ABCC9: variants seen among roughly 807,000 people sequenced by gnomAD.
ABCC9 encodes the protein ATP binding cassette subfamily C member 9, also known as ATP-binding cassette sub-family C member 9.
ABCC9 carries 95 observed loss-of-function variants against 188.3 expected under a neutral mutation model. The ratio of observed to expected loss-of-function variants is 0.50; its 90% CI spans 0.43 to 0.60. ABCC9 has a LOEUF of 0.60. Ranked by LOEUF, ABCC9 falls within the 20% of genes least tolerant of loss-of-function variation. ABCC9 has a pLI of 0.00. For missense variants in ABCC9, 1,102 were observed against 1,876.3 expected, an observed-to-expected ratio of 0.59 and a Z score of 7.62; for synonymous variants, 659 against 652.7, an observed-to-expected ratio of 1.01 and a Z score of -0.15.
At chr12:21,893,714 A>C (rs1947278929) in intron 14 of ABCC9, among the ~76,000 whole-genome samples, 3 of 152,214 alleles carry the variant, frequency 2.0e-5, no homozygotes, top group Non-Finnish European at 2.9e-5. Flanking sequence ...GTAATTGTTA[A>C]ATAAATTAGA....
intron 22 of ABCC9, among the ~76,000 whole-genome samples, chr12:21,857,783 C>A (rs775797521): frequency 2.8e-4 from 42 of 152,128 alleles, no homozygotes; most frequent in Non-Finnish European, 5.6e-4. Context: ...CTGGAAAAAG[C>A]AAGAATATTG....
chr12:21,860,349 C>G (rs1188107235), intron 21 of ABCC9, among the ~76,000 whole-genome samples: 2 of 152,208 alleles, frequency 1.3e-5, no homozygotes, highest in African/African-American at 2.4e-5. Flanking sequence ...ACCTTGGCAA[C>G]TGTGCAAGTT....
At chr12:21,852,056 C>A in intron 24 of ABCC9, 41 bp downstream of exon 24, 1 of 1,611,832 alleles carries the variant, frequency 6.2e-7, no homozygotes, top group Non-Finnish European at 8.5e-7. Flanking sequence ...TCTAACTCTT[C>A]TGAATTGGGC....
chr12:21,842,743 ATG>A (rs1944459783), intron 28 of ABCC9, among the ~76,000 whole-genome samples: 1 of 152,090 alleles, frequency 6.6e-6, no homozygotes, highest in Non-Finnish European at 1.5e-5. Context: ...TTATTCATTC[ATG>A]TGTTTGTTTA....
chr12:21,885,529 A>G (rs890559906), intron 15 of ABCC9, among the ~76,000 whole-genome samples: 24 of 152,174 alleles, frequency 1.6e-4, no homozygotes, highest in African/African-American at 5.3e-4. Flanking sequence ...TTATCCCCCT[A>G]TCTCTGAAAG....
At chr12:21,825,498 A>G (rs780119975) in intron 31 of ABCC9, among the ~76,000 whole-genome samples, 9 of 152,208 alleles carry the variant, frequency 5.9e-5, no homozygotes, top group Non-Finnish European at 1.0e-4. Flanking sequence ...TTGTAGGGAC[A>G]TGGATGAAGC....
intron 5 of ABCC9, chr12:21,925,382 G>A (rs965103730): frequency 2.2e-5 from 13 of 588,832 alleles, no homozygotes; most frequent in Middle Eastern, 2.7e-4. Flanking sequence ...ATGCAGGTGC[G>A]AAAGGCCGTG....
At chr12:21,936,952 CT>C (rs1792627349) in intron 2 of ABCC9, among the ~76,000 whole-genome samples, 1 of 151,892 alleles carries the variant, frequency 6.6e-6, no homozygotes, top group Non-Finnish European at 1.5e-5. Context: ...TAATATCTAC[CT>C]ATAGTAGTAC....
chr12:21,817,363 T>G (rs1565694880), intron 32 of ABCC9, 56 bp from the exon 33 acceptor site: 6 of 1,579,494 alleles, frequency 3.8e-6, no homozygotes, highest in Non-Finnish European at 4.3e-6. Flanking sequence ...GAAGTTGTGG[T>G]TAATCACCGG....
rs762798124 is a variant in ABCC9, at chr12:21,801,018, T to C, written c.*26A>G. The C allele has an allele frequency of 2.4e-5, 39 of 1,613,110 alleles. No homozygotes were observed. In the Admixed American group the frequency reaches 6.5e-4, roughly 27 times the overall value. ...TAGGTTATGACTGCATTATTTTAAA[T>C]ACATGTATTGTTTTAAGACACTCCT... On this transcript the variant is annotated 3_prime_UTR_variant, in exon 40 of 40. Coordinates refer to ENST00000261200, the MANE Select transcript of ABCC9 (RefSeq NM_020297.4).
Position 21,844,528 on chromosome 12 carries a change from TC to T in ABCC9, c.3269del (p.Gly1090AspfsTer2), listed in dbSNP as rs1403772538. ...PIRFFDTTPLGLILNRFSADT... is the reference protein window; with the variant it reads ...PIRFFDTTPLXLILNRFSADT... ...CAGCTGAAAAGCGATTGAGAATCAG[TC>T]CCAGGGGTGTGGTATCAAAAAACCT... is the stretch of plus-strand genomic sequence containing the variant. On this transcript the variant is annotated frameshift_variant, in exon 28 of 40. Transcript: ENST00000261200. LOFTEE classifies it high-confidence loss of function. The T allele has an allele frequency of 5.6e-6, 9 of 1,613,640 alleles. No individual in the cohort carries two copies. The highest frequency in any genetic ancestry group is 6.8e-6 in the Non-Finnish European group (8 of 1,179,748).
intron 25 of ABCC9, among the ~76,000 whole-genome samples, chr12:21,846,720 G>A (rs919469979): frequency 3.3e-5 from 5 of 152,140 alleles, no homozygotes; most frequent in Admixed American, 3.3e-4. Context: ...TCCTTTGTGT[G>A]AGAAGAACAG....
chr12:21,907,995 G>T, intron 11 of ABCC9, 82 bp downstream of exon 11: 1 of 1,387,728 alleles, frequency 7.2e-7, no homozygotes, highest in Non-Finnish European at 1.0e-6. Context: ...TATCTTTAGT[G>T]GTATGTATTA....
chr12:21,800,983 A>T lies in ABCC9; in HGVS notation c.*61T>A, dbSNP rs1941399206. 1 of 1,597,090 alleles carries T rather than the reference A, an allele frequency of 6.3e-7. No homozygotes were observed. The highest frequency in any genetic ancestry group is 1.1e-5 in the South Asian group (1 of 90,510). On this transcript the variant is annotated 3_prime_UTR_variant, in exon 40 of 40. Coordinates refer to ENST00000261200, the MANE Select transcript of ABCC9 (RefSeq NM_020297.4). The stretch of plus-strand genomic sequence containing the variant: ...CCACTTTACAGAGGTCAAGCTGATG[A>T]TCCATTAATTAGGTTATGACTGCAT...
At chr12:21,824,041 ACTAT>A (rs1328084002) in intron 31 of ABCC9, among the ~76,000 whole-genome samples, 1 of 152,244 alleles carries the variant, frequency 6.6e-6, no homozygotes, top group African/African-American at 2.4e-5. Context: ...CATAGGGAAA[ACTAT>A]CTGTGTAGAC....
chr12:21,855,556 G>A (rs75649931), intron 22 of ABCC9, among the ~76,000 whole-genome samples: 4,909 of 152,110 alleles, frequency 0.032, 116 homozygotes, highest in Middle Eastern at 0.12. Context: ...AGTTAGTAAG[G>A]CATAATTGAA....
rs578085712 is a variant in ABCC9 at position 21,855,196 on chromosome 12, A to G, written c.2506-2691T>C. On this transcript the variant is annotated intron_variant, in intron 22 of 39. Transcript: ENST00000261200. ...TTATAATAATTCAATTTGACTGTCC[A>G]TAAAATTCTGATATTTATTTATTTA... Among the ~76,000 whole-genome samples the G allele has an allele frequency of 4.6e-5, 7 of 152,272 alleles. No individual in the cohort carries two copies. In the South Asian group the frequency reaches 1.2e-3, roughly 27 times the overall value.
At chr12:21,826,123 TG>T (rs1288471121) in intron 31 of ABCC9, among the ~76,000 whole-genome samples, 2 of 152,200 alleles carry the variant, frequency 1.3e-5, no homozygotes, top group African/African-American at 4.8e-5. Context: ...GTTGCATTCC[TG>T]CTCTGGGAAC....
At chr12:21,808,381 A>T (rs1330637156) in intron 37 of ABCC9, among the ~76,000 whole-genome samples, 1 of 152,128 alleles carries the variant, frequency 6.6e-6, no homozygotes, top group East Asian at 1.9e-4. Flanking sequence ...ACATAATGTA[A>T]ATACAATCCC....
Sources: allele counts gnomAD v4.1 joint callset (sites outside exome capture counted in the v4.1 genomes callset), GRCh38; gene constraint gnomAD v4.1.1; transcripts MANE v1.5; gene names NCBI Gene and HGNC (gene_info 2026-07-23, HGNC 2026-07-21).